ECT2: variants seen among roughly 807,000 people sequenced by gnomAD.
ECT2 encodes the protein epithelial cell transforming 2, also known as protein ECT2.
In ECT2, 61 loss-of-function variants were observed where a neutral mutation model predicts 116.9. The ratio of observed to expected loss-of-function variants is 0.52; its 90% CI spans 0.42 to 0.65. The LOEUF (loss-of-function observed/expected upper bound fraction) is 0.65, where lower values mean the gene tolerates loss of function less well. Ranked by LOEUF, ECT2 falls within the 30% of genes least tolerant of loss-of-function variation. The probability of loss-of-function intolerance (pLI) is 0.00; values close to 1 mark genes in which losing one functional copy is unlikely to be tolerated. For synonymous variants in ECT2, 358 were observed against 346.4 expected, an observed-to-expected ratio of 1.03 and a Z score of -0.37; for missense variants, 937 against 1,078.7, an observed-to-expected ratio of 0.87 and a Z score of 1.84.
At chr3:172,825,717 A>C (rs1010768763), downstream of ECT2, among the ~76,000 whole-genome samples, 2 of 152,186 alleles carry the variant, frequency 1.3e-5, no homozygotes, top group Admixed American at 6.5e-5. Context: ...TTGGTTCATG[A>C]GGAAAGAAAT....
the ECT2 span, chr3:172,829,216 C>G: frequency 1.7e-5 from 6 of 343,374 alleles, no homozygotes; most frequent in Admixed American, 7.5e-5. Flanking sequence ...GGCGCCCAGC[C>G]AAAAATTGGT....
chr3:172,816,687 C>G lies in ECT2; in HGVS notation c.2509-4C>G, dbSNP rs1211838212. On this transcript the variant is annotated splice_polypyrimidine_tract_variant and splice_region_variant and intron_variant, in intron 23 of 24. Coordinates refer to ENST00000392692, the MANE Select transcript of ECT2 (RefSeq NM_001258315.2). The stretch of plus-strand genomic sequence containing the variant: ...GGTTTAACTAATTGTAACTTAAACT[C>G]TAGGTTACAAGAGCATTCTCTTTCT... 1 of 1,585,508 alleles carries G rather than the reference C, an allele frequency of 6.3e-7. No homozygotes were observed. Among genetic ancestry groups the G allele is most frequent in the Non-Finnish European group, 8.6e-7 (1 of 1,161,078 alleles).
At chr3:172,821,959 T>C (rs988441586), downstream of ECT2, among the ~76,000 whole-genome samples, 1 of 151,896 alleles carries the variant, frequency 6.6e-6, no homozygotes, top group Non-Finnish European at 1.5e-5. Flanking sequence ...ACTATCCTTG[T>C]TATCAGATGA....
chr3:172,796,510 G>A (rs1299069044), intron 18 of ECT2: 1 of 151,690 alleles, frequency 6.6e-6, no homozygotes, highest in Admixed American at 6.6e-5. Flanking sequence ...AGCAGTAATC[G>A]CTCCTCGGAT....
chr3:172,805,569 T>A (rs927968235), intron 20 of ECT2, among the ~76,000 whole-genome samples, 162 bp from the exon 21 acceptor site: 2 of 152,212 alleles, frequency 1.3e-5, no homozygotes, highest in Non-Finnish European at 2.9e-5. Flanking sequence ...ATTACATGTT[T>A]GACTTTTGTT....
intron 8 of ECT2, 51 bp downstream of exon 8, chr3:172,761,734 T>G (rs376322721): frequency 2.6e-4 from 339 of 1,329,172 alleles, no homozygotes; most frequent in Non-Finnish European, 3.4e-4. Flanking sequence ...ACATTCTGGT[T>G]TAAAGATAAA....
chr3:172,754,480 G>A (rs1259083921), intron 1 of ECT2, 29 bp from the exon 2 acceptor site: 2 of 1,475,816 alleles, frequency 1.4e-6, no homozygotes, highest in Admixed American at 2.4e-5. Flanking sequence ...CCATGTTTAT[G>A]TATTTTTATT....
In ECT2 at chr3:172,775,258, T is replaced by C. The variant is rs188187126; in HGVS notation, c.1548+1236T>C. Among the ~76,000 whole-genome samples, 311 of 152,364 alleles carry C rather than the reference T, an allele frequency of 2.0e-3. 2 individuals are homozygous for C. The highest frequency in any genetic ancestry group is 3.5e-3 in the Non-Finnish European group (241 of 68,040). ...AACTCACATTAATATTTATGTCACA[T>C]TCCAGTAAAAGAACCAATCGGAATT... On this transcript the variant is annotated intron_variant, in intron 14 of 24. Transcript: ENST00000392692.
intron 20 of ECT2, among the ~76,000 whole-genome samples, chr3:172,804,446 T>C (rs1727307335): frequency 6.6e-6 from 1 of 152,146 alleles, no homozygotes; most frequent in South Asian, 2.1e-4. Flanking sequence ...AGACAGATAA[T>C]TCTCAACTAC....
At chr3:172,768,377 ATC>A (rs974257590) in intron 12 of ECT2, among the ~76,000 whole-genome samples, 1 of 152,108 alleles carries the variant, frequency 6.6e-6, no homozygotes, top group African/African-American at 2.4e-5. Flanking sequence ...TTCAGTCAAA[ATC>A]TCTCTTTTTC....
chr3:172,794,932 G>A (rs1448007767), intron 18 of ECT2, among the ~76,000 whole-genome samples: 7 of 151,782 alleles, frequency 4.6e-5, no homozygotes, highest in African/African-American at 9.7e-5. Flanking sequence ...GGCTGGTCTC[G>A]AACTCCTGAC....
At chr3:172,819,713 G>A (rs1466880719) in intron 24 of ECT2, among the ~76,000 whole-genome samples, 1 of 152,038 alleles carries the variant, frequency 6.6e-6, no homozygotes, top group Non-Finnish European at 1.5e-5. Flanking sequence ...CTTTGAGAGT[G>A]TATGACTTAA....
rs1560030630 is a variant in ECT2 at position 172,815,704 on chromosome 3, CA to C, written c.2507del (p.Lys836ArgfsTer21). The C allele has an allele frequency of 6.3e-7, 1 of 1,585,380 alleles. No homozygotes were observed. Among genetic ancestry groups the C allele is most frequent in the South Asian group, 1.2e-5 (1 of 86,022 alleles). On this transcript the variant is annotated frameshift_variant, in exon 23 of 25. Transcript: ENST00000392692. LOFTEE classifies it high-confidence loss of function. ...GCATCAAGAGCAATAAAAAAGACTT[CA>C]AAAAAGGTGAGTTTTAGTGAAAGTA... ...SRASRAIKKT[S>X]KKVTRAFSFS...
chr3:172,758,950 G>A, intron 5 of ECT2, 30 bp from the exon 6 acceptor site: 1 of 1,528,444 alleles, frequency 6.5e-7, no homozygotes, highest in Non-Finnish European at 9.0e-7. Context: ...TAAAGAGAAA[G>A]CTCACATTTA....
intron 18 of ECT2, among the ~76,000 whole-genome samples, chr3:172,791,027 C>T (rs1233762764): frequency 6.6e-6 from 1 of 152,174 alleles, no homozygotes; most frequent in Non-Finnish European, 1.5e-5. Context: ...TGATGATGCA[C>T]ACCTGTAATC....
At chr3:172,808,863 C>T (rs1728226505) in intron 22 of ECT2, among the ~76,000 whole-genome samples, 1 of 152,066 alleles carries the variant, frequency 6.6e-6, no homozygotes, top group African/African-American at 2.4e-5. Context: ...AACCTCCTTC[C>T]AAAGTATTTA....
chr3:172,795,473 T>A (rs1339354098), intron 18 of ECT2, among the ~76,000 whole-genome samples: 3 of 152,342 alleles, frequency 2.0e-5, no homozygotes, highest in Middle Eastern at 6.8e-3. Flanking sequence ...CTTCATGTAA[T>A]TCTTTGATTT....
rs1715592840 is a variant in ECT2 at position 172,750,771 on chromosome 3, T to A, written c.-109T>A. ...AGAGCAGCTTAGTTTTTGAATCGGT[T>A]GTGGCGGCCGCCGGCGAGGAATGGC... On this transcript the variant is annotated 5_prime_UTR_variant, in exon 1 of 25. Transcript: ENST00000392692. 6.5e-6 allele frequency: 1 copy of A among 152,758 alleles called. No homozygotes were observed. The highest frequency in any genetic ancestry group is 2.4e-5 in the African/African-American group (1 of 41,454). The allele number at this position is 152,758 out of a possible 1,614,324, so 9.5% of individuals were successfully genotyped here. A position where few individuals can be genotyped will look rare whatever the true frequency, so the allele number is the denominator to read the frequency against.
chr3:172,783,288 G>GT (rs1262721858), intron 15 of ECT2, among the ~76,000 whole-genome samples: 3 of 151,916 alleles, frequency 2.0e-5, no homozygotes, highest in Non-Finnish European at 2.9e-5. Context: ...TCTCTTAGGT[G>GT]TTTTTTCAGT....
Sources: allele counts gnomAD v4.1 joint callset (sites outside exome capture counted in the v4.1 genomes callset), GRCh38; gene constraint gnomAD v4.1.1; transcripts MANE v1.5; gene names NCBI Gene and HGNC (gene_info 2026-07-23, HGNC 2026-07-21).